The following NBEA variants were observed in gnomAD, a reference collection of about 807,000 sequenced individuals.
NBEA encodes neurobeachin, also known as lysosomal-trafficking regulator 2.
Under a neutral mutation model 343.4 loss-of-function variants are expected in NBEA, and 44 were observed. That is an observed-to-expected ratio of 0.13 (90% CI 0.10 to 0.16). The LOEUF (loss-of-function observed/expected upper bound fraction) is 0.16. Ranked by LOEUF, NBEA falls within the 10% of genes least tolerant of loss-of-function variation. NBEA has a pLI of 1.00. For synonymous variants in NBEA, 1,175 were observed against 1,238.7 expected, an observed-to-expected ratio of 0.95 and a Z score of 1.08; for missense variants, 2,555 against 3,631.3, an observed-to-expected ratio of 0.70 and a Z score of 7.62.
In NBEA at chr13:35,327,375, C is replaced by T. The variant is rs376801610; in HGVS notation, c.5903+17783C>T. On this transcript the variant is annotated intron_variant, in intron 36 of 58. Coordinates refer to ENST00000379939, the MANE Select transcript of NBEA (RefSeq NM_001385012.1). The stretch of plus-strand genomic sequence containing the variant: ...ACAATGGCAAAGACATAGAATCAAC[C>T]TAGGTGCCCATCAGTGGTGGATTGG... 1.7e-4 allele frequency among the ~76,000 whole-genome samples: 26 copies of T among 152,164 alleles called. 1 individual carries two copies. In the South Asian group the frequency reaches 5.4e-3, roughly 32 times the overall value.
intron 41 of NBEA, among the ~76,000 whole-genome samples, chr13:35,492,431 A>C (rs1161413342): frequency 6.6e-6 from 1 of 151,934 alleles, no homozygotes; most frequent in African/African-American, 2.4e-5. Flanking sequence ...AGGTATTTGA[A>C]CATATTTAGG....
intron 45 of NBEA, among the ~76,000 whole-genome samples, chr13:35,573,833 A>T (rs1160082320): frequency 6.6e-6 from 1 of 152,218 alleles, no homozygotes; most frequent in African/African-American, 2.4e-5. Context: ...CACCAGCCAC[A>T]TGTCACCTCT....
intron 34 of NBEA, among the ~76,000 whole-genome samples, chr13:35,264,869 T>C (rs527321307): frequency 6.6e-6 from 1 of 151,670 alleles, no homozygotes; most frequent in East Asian, 1.9e-4. Context: ...CTGTTCAACG[T>C]AGTAGAAGTC....
intron 41 of NBEA, among the ~76,000 whole-genome samples, chr13:35,537,716 A>G (rs2078627789): frequency 1.3e-5 from 2 of 152,130 alleles, no homozygotes; most frequent in Admixed American, 6.5e-5. Flanking sequence ...ATATTTCCAG[A>G]GAGGGAAGAA....
chr13:35,529,839 A>G (rs754515035), intron 41 of NBEA, among the ~76,000 whole-genome samples: 6 of 152,064 alleles, frequency 3.9e-5, no homozygotes, highest in Non-Finnish European at 8.8e-5. Context: ...ATGTGAAAAT[A>G]CTCATTTTGT....
At chr13:35,059,600 G>A (rs2063390529) in intron 8 of NBEA, among the ~76,000 whole-genome samples, 1 of 151,766 alleles carries the variant, frequency 6.6e-6, no homozygotes, top group Admixed American at 6.6e-5. Flanking sequence ...AGGAGTACTT[G>A]TCTTGTATGG....
chr13:35,580,107 T>C (rs1259324477), intron 45 of NBEA, among the ~76,000 whole-genome samples: 2 of 152,094 alleles, frequency 1.3e-5, no homozygotes, highest in Non-Finnish European at 2.9e-5. Context: ...TAATAAAGTT[T>C]TATAGGGATA....
chr13:35,224,890 T>TA (rs1326573902), intron 33 of NBEA, among the ~76,000 whole-genome samples: 1 of 152,156 alleles, frequency 6.6e-6, no homozygotes, highest in Non-Finnish European at 1.5e-5. Context: ...TGCCTCTCCT[T>TA]ATGCTAAGGC....
At chr13:35,085,118 G>C (rs2064671863) in intron 10 of NBEA, among the ~76,000 whole-genome samples, 1 of 151,998 alleles carries the variant, frequency 6.6e-6, no homozygotes, top group South Asian at 2.1e-4. Context: ...AAAAGTCCAG[G>C]ACCAGATGGA....
chr13:35,290,159 C>G (rs2152817825), intron 34 of NBEA, among the ~76,000 whole-genome samples: 1 of 151,834 alleles, frequency 6.6e-6, no homozygotes, highest in East Asian at 1.9e-4. Flanking sequence ...CATCTTGTGA[C>G]AAACCCACAG....
rs183809037 is a variant in NBEA at position 35,513,551 on chromosome 13, A to G, written c.6586-36926A>G. On this transcript the variant is annotated intron_variant, in intron 41 of 58. Transcript: ENST00000379939. ...TGTGGTATGCTTTTTTAGTCTTATTATCCAACTTACACCTGAATTCATTTT... is the reference window on the plus strand; with the variant it reads ...TGTGGTATGCTTTTTTAGTCTTATTGTCCAACTTACACCTGAATTCATTTT... Among the ~76,000 whole-genome samples, 430 of 152,032 alleles carry G rather than the reference A, an allele frequency of 2.8e-3. 3 individuals carry two copies. Among genetic ancestry groups the G allele is most frequent in the Non-Finnish European group, 2.4e-3 (165 of 67,962 alleles).
chr13:35,261,831 C>G (rs1281874583), intron 34 of NBEA, among the ~76,000 whole-genome samples: 2 of 152,152 alleles, frequency 1.3e-5, no homozygotes, highest in East Asian at 1.9e-4. Flanking sequence ...GAAAATAATA[C>G]CCAAATATTT....
At chr13:35,539,860 G>A (rs2078731490) in intron 41 of NBEA, among the ~76,000 whole-genome samples, 2 of 132,000 alleles carry the variant, frequency 1.5e-5, no homozygotes, top group Non-Finnish European at 3.1e-5. Context: ...AGCTTGCAGG[G>A]AGCCGAGATC....
At chr13:35,523,549 T>C (rs1048309295) in intron 41 of NBEA, among the ~76,000 whole-genome samples, 7 of 152,128 alleles carry the variant, frequency 4.6e-5, no homozygotes, top group Non-Finnish European at 1.0e-4. Context: ...AAAGTGGGAA[T>C]TATGAGAGTG....
At chr13:35,157,737 A>G (rs1367371500) in intron 21 of NBEA, among the ~76,000 whole-genome samples, 3 of 151,954 alleles carry the variant, frequency 2.0e-5, no homozygotes, top group Admixed American at 6.6e-5. Flanking sequence ...CTGTATGTCT[A>G]TTTTAAGTAT....
intron 36 of NBEA, among the ~76,000 whole-genome samples, chr13:35,331,963 T>C (rs1336597914): frequency 6.6e-6 from 1 of 152,054 alleles, no homozygotes; most frequent in East Asian, 1.9e-4. Context: ...CCATGTTAAA[T>C]GTACTGTACA....
chr13:35,487,314 T>C (rs1417102246), intron 41 of NBEA, among the ~76,000 whole-genome samples: 1 of 152,028 alleles, frequency 6.6e-6, no homozygotes, highest in Admixed American at 6.6e-5. Context: ...ATAGAATTAG[T>C]ACTTATAGTT....
intron 36 of NBEA, among the ~76,000 whole-genome samples, chr13:35,319,564 A>T (rs765167602): frequency 6.6e-6 from 1 of 152,158 alleles, no homozygotes; most frequent in Non-Finnish European, 1.5e-5. Context: ...AAAAATATAT[A>T]TTCTATTCAT....
intron 11 of NBEA, among the ~76,000 whole-genome samples, chr13:35,099,897 G>A (rs1455462113): frequency 5.3e-5 from 8 of 151,948 alleles, no homozygotes; most frequent in South Asian, 2.1e-4. Context: ...ATGAATAAGC[G>A]TTTTTTTATA....
Sources: allele counts gnomAD v4.1 joint callset (sites outside exome capture counted in the v4.1 genomes callset), GRCh38; gene constraint gnomAD v4.1.1; transcripts MANE v1.5; gene names NCBI Gene and HGNC (gene_info 2026-07-23, HGNC 2026-07-21).